Variants in PIK3C2A observed in about 807,000 individuals in gnomAD.
PIK3C2A encodes the protein phosphatidylinositol 4-phosphate 3-kinase C2 domain-containing subunit alpha.
A neutral mutation model predicts 204.5 loss-of-function variants in PIK3C2A; 97 were observed. That is an observed-to-expected ratio of 0.47 (90% CI 0.40 to 0.56). PIK3C2A has a LOEUF of 0.56. Ranked by LOEUF, PIK3C2A falls within the 20% of genes least tolerant of loss-of-function variation. PIK3C2A has a pLI of 0.00. For missense variants in PIK3C2A, 1,735 were observed against 1,969.2 expected, an observed-to-expected ratio of 0.88 and a Z score of 2.25; for synonymous variants, 653 against 664.4, an observed-to-expected ratio of 0.98 and a Z score of 0.26.
intron 3 of PIK3C2A, among the ~76,000 whole-genome samples, chr11:17,154,207 C>T (rs946289384): frequency 6.6e-6 from 1 of 152,034 alleles, no homozygotes; most frequent in Non-Finnish European, 1.5e-5. Flanking sequence ...TCTCAACTTG[C>T]AAAGCTTAAA....
At position 17,088,254 on chromosome 11, in the gene PIK3C2A, T is replaced by A. The variant is rs2137252390; in HGVS notation, c.*1484A>T. On this transcript the variant is annotated 3_prime_UTR_variant, in exon 33 of 33. Transcript: ENST00000691414. Reference sequence around the variant, plus strand: ...AATAAAAATGAATCTTACTCTTTTTTTCTTTTTTTTTAAGATGGAGTTTTG... The same window carrying A: ...AATAAAAATGAATCTTACTCTTTTTATCTTTTTTTTTAAGATGGAGTTTTG... The A allele has an allele frequency of 6.6e-6, 1 of 152,332 alleles. No homozygotes were observed. The highest frequency in any genetic ancestry group is 1.9e-4 in the East Asian group (1 of 5,188). The allele number at this position is 152,332 out of a possible 1,614,324, so 9.4% of individuals were successfully genotyped here. A position where few individuals can be genotyped will look rare whatever the true frequency, so the allele number is the denominator to read the frequency against.
rs146473824 is a variant in PIK3C2A at position 17,123,229 on chromosome 11, A to G, written c.2400-416T>C. Among the ~76,000 whole-genome samples the G allele has an allele frequency of 1.2e-3, 180 of 152,274 alleles. 1 individual carries two copies. Among genetic ancestry groups the G allele is most frequent in the Non-Finnish European group, 1.3e-3 (88 of 68,020 alleles). On this transcript the variant is annotated intron_variant, in intron 13 of 32. Transcript: ENST00000691414. ...AATCATTAGATCAAAAATACAAGCCAAAGAAAACAAAACACGTTTTTTTGT... is the reference window on the plus strand; with the variant it reads ...AATCATTAGATCAAAAATACAAGCCGAAGAAAACAAAACACGTTTTTTTGT...
chr11:17,181,260 C>T (rs1375149942), intron 1 of PIK3C2A, among the ~76,000 whole-genome samples: 1 of 152,030 alleles, frequency 6.6e-6, no homozygotes, highest in African/African-American at 2.4e-5. Flanking sequence ...TTCTCCCCTC[C>T]CTAACCCTCT....
intron 1 of PIK3C2A, among the ~76,000 whole-genome samples, chr11:17,183,041 T>C (rs1274954531): frequency 2.0e-5 from 3 of 152,120 alleles, no homozygotes; most frequent in African/African-American, 4.8e-5. Context: ...GGTTTTGCCA[T>C]GCATGTTGCC....
At chr11:17,172,208 T>C (rs556144018) in intron 1 of PIK3C2A, among the ~76,000 whole-genome samples, 1 of 152,338 alleles carries the variant, frequency 6.6e-6, no homozygotes, top group Admixed American at 6.5e-5. Flanking sequence ...CTTTACTCTC[T>C]TGAGCTAAGC....
intron 1 of PIK3C2A, among the ~76,000 whole-genome samples, chr11:17,178,493 T>C (rs1851414882): frequency 6.6e-6 from 1 of 152,196 alleles, no homozygotes; most frequent in African/African-American, 2.4e-5. Flanking sequence ...CTCAAATTCC[T>C]GTTATTCTGG....
Position 17,162,950 on chromosome 11 carries a change from C to G in PIK3C2A, c.1065+5727G>C, listed in dbSNP as rs184287986. Among the ~76,000 whole-genome samples the G allele has an allele frequency of 2.0e-5, 3 of 152,150 alleles. No individual in the cohort carries two copies. In the East Asian group the frequency reaches 5.8e-4, roughly 29 times the overall value. ...GTTCTTGTTCTACTTTTTAGGACAA[C>G]AGATTTTAAAATTAAGCTACTAAAC... On this transcript the variant is annotated intron_variant, in intron 2 of 32. Transcript: ENST00000691414.
At chr11:17,196,279 G>A (rs751115901) in intron 1 of PIK3C2A, among the ~76,000 whole-genome samples, 2 of 152,130 alleles carry the variant, frequency 1.3e-5, no homozygotes, top group Non-Finnish European at 2.9e-5. Flanking sequence ...ATAATAGGAA[G>A]CCCAGGGTGA....
chr11:17,103,699 C>G (rs1027693858), intron 23 of PIK3C2A, among the ~76,000 whole-genome samples: 4 of 152,130 alleles, frequency 2.6e-5, no homozygotes, highest in Non-Finnish European at 5.9e-5. Flanking sequence ...AACAATTGTA[C>G]AGATGGAAAA....
chr11:17,111,260 G>A (rs923114995), intron 21 of PIK3C2A, among the ~76,000 whole-genome samples: 2 of 152,130 alleles, frequency 1.3e-5, no homozygotes, highest in Non-Finnish European at 2.9e-5. Flanking sequence ...ATGATGAAAT[G>A]TTCTACATTT....
intron 19 of PIK3C2A, among the ~76,000 whole-genome samples, chr11:17,116,676 G>C (rs1849204169): frequency 6.6e-6 from 1 of 151,294 alleles, no homozygotes; most frequent in Non-Finnish European, 1.5e-5. Context: ...TGCAAGCTCC[G>C]CCTCCCGGGT....
chr11:17,110,016 A>C (rs1056221805), intron 22 of PIK3C2A, among the ~76,000 whole-genome samples: 4 of 152,048 alleles, frequency 2.6e-5, no homozygotes, highest in Non-Finnish European at 4.4e-5. Flanking sequence ...ACAGTGATGC[A>C]ATCTCGGCTC....
At position 17,110,416 on chromosome 11, in the gene PIK3C2A, C is replaced by T. The variant is rs966102416; in HGVS notation, c.3544+16G>A. 2 of 1,598,144 alleles carry T rather than the reference C, an allele frequency of 1.3e-6. No homozygotes were observed. The highest frequency in any genetic ancestry group is 2.7e-5 in the African/African-American group (2 of 74,328). On this transcript the variant is annotated intron_variant, in intron 22 of 32. Transcript: ENST00000691414. The stretch of plus-strand genomic sequence containing the variant: ...AGGAAAAAAATAAGACATCAAGACA[C>T]AGCTAATAAACTTACCTCGATCTCT...
At chr11:17,156,050 G>C (rs978365256) in intron 2 of PIK3C2A, among the ~76,000 whole-genome samples, 1 of 152,152 alleles carries the variant, frequency 6.6e-6, no homozygotes, top group Non-Finnish European at 1.5e-5. Flanking sequence ...CAAATCCCAA[G>C]AAAGATGGTT....
intron 8 of PIK3C2A, among the ~76,000 whole-genome samples, chr11:17,141,663 T>C (rs1850068902): frequency 6.6e-6 from 1 of 152,256 alleles, no homozygotes. Flanking sequence ...ATGAGCTTTT[T>C]ATCTTCCAGA....
intron 1 of PIK3C2A, among the ~76,000 whole-genome samples, chr11:17,190,709 T>C (rs1851911010): frequency 6.6e-6 from 1 of 151,956 alleles, no homozygotes; most frequent in East Asian, 1.9e-4. Flanking sequence ...GAAAAATATA[T>C]TCAAAATCAA....
intron 2 of PIK3C2A, among the ~76,000 whole-genome samples, chr11:17,161,818 A>G (rs994464198): frequency 1.3e-5 from 2 of 152,230 alleles, no homozygotes; most frequent in African/African-American, 4.8e-5. Context: ...ATTATTTTCC[A>G]ATAAAAAATA....
At chr11:17,201,979 G>A (rs1352454740) in intron 1 of PIK3C2A, among the ~76,000 whole-genome samples, 4 of 152,072 alleles carry the variant, frequency 2.6e-5, no homozygotes, top group Admixed American at 6.6e-5. Flanking sequence ...ACTGGGGCCC[G>A]GGGCGGTGGC....
intron 1 of PIK3C2A, among the ~76,000 whole-genome samples, chr11:17,196,772 G>A (rs528563674): frequency 3.3e-5 from 5 of 152,010 alleles, no homozygotes; most frequent in East Asian, 1.9e-4. Context: ...GGGTTTCACC[G>A]TGTTAGCCAG....
Sources: allele counts gnomAD v4.1 joint callset (sites outside exome capture counted in the v4.1 genomes callset), GRCh38; gene constraint gnomAD v4.1.1; transcripts MANE v1.5; gene names NCBI Gene and HGNC (gene_info 2026-07-23, HGNC 2026-07-21).